The following TMCC1 variants were observed in gnomAD, a reference collection of about 807,000 sequenced individuals.
TMCC1 encodes transmembrane and coiled-coil domains protein 1.
Under a neutral mutation model 52.4 loss-of-function variants are expected in TMCC1, and 15 were observed. The observed-to-expected ratio is 0.29, with a 90% CI of 0.19 to 0.44. The LOEUF is 0.44. Among genes scored for constraint, TMCC1 ranks in the 20% least tolerant of loss-of-function variants. The pLI, the probability that TMCC1 is intolerant of heterozygous loss-of-function variation, is 1.00. For synonymous variants in TMCC1, 279 were observed against 301.9 expected (o/e 0.92, Z 0.79); for missense variants, 503 against 806.0 (o/e 0.62, Z 4.55).
chr3:129,826,795 C>T (rs1459647825), intron 4 of TMCC1, among the ~76,000 whole-genome samples: 1 of 151,672 alleles, frequency 6.6e-6, no homozygotes, highest in African/African-American at 2.4e-5. Flanking sequence ...AAAAAAAAAC[C>T]TAACTGTACC....
chr3:129,707,270 A>G (rs2048319423), intron 4 of TMCC1, among the ~76,000 whole-genome samples: 1 of 152,156 alleles, frequency 6.6e-6, no homozygotes, highest in East Asian at 1.9e-4. Context: ...AAATCATATC[A>G]CCTCAAATAC....
intron 4 of TMCC1, among the ~76,000 whole-genome samples, chr3:129,719,485 C>T (rs146077488): frequency 1.2e-3 from 187 of 152,322 alleles, no homozygotes; most frequent in African/African-American, 4.3e-3. Context: ...CCCCAATTTA[C>T]AGCCAGTTGG....
chr3:129,758,627 C>T (rs562462088), intron 4 of TMCC1, among the ~76,000 whole-genome samples: 1 of 152,264 alleles, frequency 6.6e-6, no homozygotes, highest in South Asian at 2.1e-4. Flanking sequence ...CAAATTATTT[C>T]CTTTTATGTC....
chr3:129,674,954 C>CCT (rs1240263232), intron 4 of TMCC1, among the ~76,000 whole-genome samples: 2 of 152,164 alleles, frequency 1.3e-5, no homozygotes, highest in African/African-American at 4.8e-5. Context: ...GATTCTCCTG[C>CCT]CTCTTCCTGA....
At chr3:129,784,205 A>T (rs2055782619) in intron 4 of TMCC1, among the ~76,000 whole-genome samples, 1 of 152,130 alleles carries the variant, frequency 6.6e-6, no homozygotes, top group Non-Finnish European at 1.5e-5. Flanking sequence ...ACATTATTCT[A>T]TGTTCCTGGA....
At chr3:129,665,882 T>A (rs1192000858) in intron 5 of TMCC1, among the ~76,000 whole-genome samples, 2 of 152,184 alleles carry the variant, frequency 1.3e-5, no homozygotes, top group East Asian at 3.8e-4. Context: ...GATTGGCAAA[T>A]GTACGTAAAA....
intron 4 of TMCC1, among the ~76,000 whole-genome samples, chr3:129,761,129 T>C (rs1270466108): frequency 6.6e-6 from 1 of 151,230 alleles, no homozygotes; most frequent in Non-Finnish European, 1.5e-5. Flanking sequence ...ATCGAGACCA[T>C]CCTGGCTAAC....
chr3:129,658,577 T>G (rs1465855279), intron 5 of TMCC1, among the ~76,000 whole-genome samples: 1 of 152,242 alleles, frequency 6.6e-6, no homozygotes, highest in African/African-American at 2.4e-5. Context: ...TGACCTTACC[T>G]GCCTGGCCTT....
intron 4 of TMCC1, among the ~76,000 whole-genome samples, chr3:129,796,058 G>A (rs201350749): frequency 2.6e-5 from 4 of 152,230 alleles, no homozygotes; most frequent in East Asian, 1.9e-4. Context: ...CAGTACAGTC[G>A]TAACCCACAT....
intron 2 of TMCC1, chr3:129,868,919 T>C (rs2060785321): frequency 1.3e-5 from 2 of 152,248 alleles, no homozygotes; most frequent in African/African-American, 2.4e-5. Context: ...GTTTTATGTA[T>C]AGTAGTGTGC....
chr3:129,739,025 C>T (rs1406468414), intron 4 of TMCC1, among the ~76,000 whole-genome samples: 1 of 152,076 alleles, frequency 6.6e-6, no homozygotes, highest in Non-Finnish European at 1.5e-5. Flanking sequence ...CCATGTTGCC[C>T]AGGCTGGTCT....
At chr3:129,833,857 A>AT (rs1341861235) in intron 2 of TMCC1, among the ~76,000 whole-genome samples, 2 of 152,242 alleles carry the variant, frequency 1.3e-5, no homozygotes, top group African/African-American at 4.8e-5. Flanking sequence ...CCAAAATTAA[A>AT]TTTTTCCTGG....
intron 4 of TMCC1, among the ~76,000 whole-genome samples, chr3:129,686,942 T>C (rs2089450109): frequency 1.3e-5 from 2 of 152,192 alleles, no homozygotes; most frequent in African/African-American, 4.8e-5. Context: ...TTAAAGAAAG[T>C]AGCAATTCAA....
chr3:129,806,491 G>A (rs1344688743), intron 4 of TMCC1, among the ~76,000 whole-genome samples: 2 of 152,184 alleles, frequency 1.3e-5, no homozygotes, highest in Admixed American at 1.3e-4. Context: ...CTGGAGAAAA[G>A]ACCTATAGAT....
chr3:129,853,612 G>C (rs2060011364), intron 2 of TMCC1, among the ~76,000 whole-genome samples: 2 of 145,144 alleles, frequency 1.4e-5, no homozygotes, highest in African/African-American at 5.2e-5. Flanking sequence ...CTGGGCAACA[G>C]AGTGAATATG....
rs574492650 is a variant in TMCC1, at chr3:129,745,103, G to T, written c.577-73839C>A. Among the ~76,000 whole-genome samples the T allele has an allele frequency of 2.6e-5, 4 of 152,348 alleles. No individual in the cohort carries two copies. In the South Asian group the frequency reaches 6.2e-4, roughly 24 times the overall value. On this transcript the variant is annotated intron_variant, in intron 4 of 6. Transcript: ENST00000393238. ...TGTAAGACATGCACTGCACTGTCAT[G>T]TGCTAAATGAAATTAAACTAGATTT...
At chr3:129,793,582 C>A (rs137995779) in intron 4 of TMCC1, among the ~76,000 whole-genome samples, 121 of 152,306 alleles carry the variant, frequency 7.9e-4, no homozygotes, top group African/African-American at 2.8e-3. Flanking sequence ...TCTTACCACA[C>A]CTCTTTCCAT....
At chr3:129,779,686 C>A (rs551135068) in intron 4 of TMCC1, among the ~76,000 whole-genome samples, 1 of 152,216 alleles carries the variant, frequency 6.6e-6, no homozygotes, top group East Asian at 1.9e-4. Context: ...ACATATCTTT[C>A]CAAGTAAACT....
At chr3:129,672,057 T>C (rs938684523) in intron 4 of TMCC1, among the ~76,000 whole-genome samples, 1 of 152,216 alleles carries the variant, frequency 6.6e-6, no homozygotes, top group Non-Finnish European at 1.5e-5. Flanking sequence ...AAAAGGTTTT[T>C]GTTAGGCAAG....
Sources: allele counts gnomAD v4.1 joint callset (sites outside exome capture counted in the v4.1 genomes callset), GRCh38; gene constraint gnomAD v4.1.1; transcripts MANE v1.5; gene names NCBI Gene and HGNC (gene_info 2026-07-23, HGNC 2026-07-21).